The following NTNG1 variants were observed in gnomAD, a reference collection of about 807,000 sequenced individuals.
NTNG1 encodes netrin-G1.
A neutral mutation model predicts 54.0 loss-of-function variants in NTNG1; 16 were observed. The ratio of observed to expected loss-of-function variants is 0.30; its 90% CI spans 0.20 to 0.45. NTNG1 has a LOEUF of 0.45. NTNG1 is among the 20% of genes least tolerant of loss of function. The pLI is 1.00. For missense variants in NTNG1, 530 were observed against 678.7 expected (o/e 0.78, Z 2.43); for synonymous variants, 255 against 263.1 (o/e 0.97, Z 0.30).
intron 3 of NTNG1, among the ~76,000 whole-genome samples, chr1:107,331,299 C>G (rs1007650063): frequency 6.6e-6 from 1 of 152,000 alleles, no homozygotes; most frequent in Admixed American, 6.6e-5. Flanking sequence ...TGAATCAATA[C>G]ATCTTATGAC....
chr1:107,381,090 T>G (rs1472380625), intron 3 of NTNG1, among the ~76,000 whole-genome samples: 2 of 152,124 alleles, frequency 1.3e-5, no homozygotes, highest in African/African-American at 2.4e-5. Flanking sequence ...AAATGATTGA[T>G]TATGACATCA....
At chr1:107,208,816 A>G (rs867724899) in intron 2 of NTNG1, among the ~76,000 whole-genome samples, 2 of 152,068 alleles carry the variant, frequency 1.3e-5, no homozygotes, top group Non-Finnish European at 2.9e-5. Flanking sequence ...AGTTCAGCTG[A>G]CTGAAATGTC....
chr1:107,381,348 TAAAAAAAAAAAAAA>T (rs10598493), intron 3 of NTNG1, among the ~76,000 whole-genome samples: 4 of 51,616 alleles, frequency 7.7e-5, no homozygotes, highest in Admixed American at 2.5e-4. Context: ...TCTCTTTAAC[TAAAAAAAAAAAAAA>T]AAAAAAAAAA....
At chr1:107,414,071 T>C (rs1027452451) in intron 5 of NTNG1, among the ~76,000 whole-genome samples, 2 of 152,204 alleles carry the variant, frequency 1.3e-5, no homozygotes, top group African/African-American at 4.8e-5. Context: ...CAACTCTACC[T>C]CTAAAGCTTT....
intron 3 of NTNG1, among the ~76,000 whole-genome samples, chr1:107,340,018 A>C (rs1668806304): frequency 1.3e-5 from 2 of 152,082 alleles, no homozygotes; most frequent in South Asian, 4.1e-4. Context: ...GAGGAAGAGC[A>C]GCAGCCCAGA....
intron 2 of NTNG1, among the ~76,000 whole-genome samples, chr1:107,149,453 T>C (rs1654393785): frequency 1.3e-5 from 2 of 152,194 alleles, no homozygotes; most frequent in Non-Finnish European, 2.9e-5. Flanking sequence ...TAGTTTTCTA[T>C]GTATATTTTA....
At chr1:107,173,058 T>C (rs1316760813) in intron 2 of NTNG1, among the ~76,000 whole-genome samples, 1 of 152,112 alleles carries the variant, frequency 6.6e-6, no homozygotes, top group Non-Finnish European at 1.5e-5. Context: ...AATTAACTGG[T>C]CCACGAGAAC....
chr1:107,284,159 A>G (rs1423796225), intron 2 of NTNG1, among the ~76,000 whole-genome samples: 1 of 152,116 alleles, frequency 6.6e-6, no homozygotes, highest in African/African-American at 2.4e-5. Flanking sequence ...CATAGTGGCT[A>G]ACACGATCTC....
At chr1:107,397,075 T>A (rs1557964532) in intron 4 of NTNG1, among the ~76,000 whole-genome samples, 1 of 152,218 alleles carries the variant, frequency 6.6e-6, no homozygotes. Flanking sequence ...CTACCCCGAA[T>A]CCTTTGCATA....
At position 107,142,900 on chromosome 1, in the gene NTNG1, C is replaced by T. The variant is rs1237138559; in HGVS notation, c.-526+1760C>T. 3.9e-5 allele frequency among the ~76,000 whole-genome samples: 6 copies of T among 152,206 alleles called. No homozygotes were observed. The East Asian group carries it at 9.7e-4, about 25-fold the overall frequency. On this transcript the variant is annotated intron_variant, in intron 1 of 7. Transcript: ENST00000370068. ...TCACTTTGAATGCCTTACCCGCCTC[C>T]CTTTCTCTTTGGCAAAGGAAAAGCA... is the stretch of plus-strand genomic sequence containing the variant.
rs564243235 is a variant in NTNG1 at position 107,303,050 on chromosome 1, C to T, written c.247-21232C>T. Among the ~76,000 whole-genome samples the T allele has an allele frequency of 2.6e-5, 4 of 152,252 alleles. No individual in the cohort carries two copies. The East Asian group carries it at 7.7e-4, about 29-fold the overall frequency. On this transcript the variant is annotated intron_variant, in intron 2 of 7. Transcript: ENST00000370068. Reference sequence around the variant, plus strand: ...AATACTGTAGTAAAACAATACTGATCCTGCAGCAAGATATAAAAGAAGGCT... The same window carrying T: ...AATACTGTAGTAAAACAATACTGATTCTGCAGCAAGATATAAAAGAAGGCT...
intron 7 of NTNG1, among the ~76,000 whole-genome samples, chr1:107,449,790 G>A (rs1676516314): frequency 6.6e-6 from 1 of 150,408 alleles, no homozygotes; most frequent in South Asian, 2.1e-4. Context: ...ATTGTTTAGT[G>A]TCAGCAGCGT....
chr1:107,190,829 T>A (rs1657854687), intron 2 of NTNG1, among the ~76,000 whole-genome samples: 4 of 152,202 alleles, frequency 2.6e-5, no homozygotes, highest in Admixed American at 2.6e-4. Context: ...TCTATCGTTG[T>A]TGGACATTGA....
At chr1:107,191,220 G>A (rs1422997859) in intron 2 of NTNG1, among the ~76,000 whole-genome samples, 1 of 152,110 alleles carries the variant, frequency 6.6e-6, no homozygotes, top group Non-Finnish European at 1.5e-5. Flanking sequence ...CTGCATAAAT[G>A]TCTTCTTTTG....
intron 4 of NTNG1, among the ~76,000 whole-genome samples, chr1:107,403,177 C>A (rs1464366830): frequency 6.6e-6 from 1 of 152,034 alleles, no homozygotes; most frequent in Non-Finnish European, 1.5e-5. Context: ...TTCTCACCCC[C>A]CTAATTGCAG....
rs377715807 is a variant in NTNG1, at chr1:107,305,646, A to G, written c.247-18636A>G. ...AAATTCTAGATATTAGCTCTTTAAT[A>G]GATGGATAGATAGATAGCAAATATT... On this transcript the variant is annotated intron_variant, in intron 2 of 7. Transcript: ENST00000370068. Among the ~76,000 whole-genome samples the G allele has an allele frequency of 1.3e-3, 192 of 152,246 alleles. 1 individual carries two copies. Among genetic ancestry groups the G allele is most frequent in the African/African-American group, 4.5e-3 (187 of 41,538 alleles).
chr1:107,145,890 G>A (rs956471894), intron 1 of NTNG1, among the ~76,000 whole-genome samples: 5 of 151,900 alleles, frequency 3.3e-5, no homozygotes, highest in Non-Finnish European at 7.4e-5. Flanking sequence ...CGTTATATTG[G>A]GATTGCTGTT....
chr1:107,392,804 G>A (rs575921751), intron 3 of NTNG1, among the ~76,000 whole-genome samples: 2 of 152,220 alleles, frequency 1.3e-5, no homozygotes, highest in Admixed American at 6.5e-5. Context: ...TGCAATGAGT[G>A]AGAAAATTTA....
intron 5 of NTNG1, among the ~76,000 whole-genome samples, chr1:107,412,370 CAT>C (rs1235040811): frequency 6.6e-6 from 1 of 152,152 alleles, no homozygotes; most frequent in African/African-American, 2.4e-5. Flanking sequence ...GGTATTCCCA[CAT>C]GTCTACAGAA....
Sources: gnomAD v4.1 joint callset for allele counts (sites outside exome capture counted in the v4.1 genomes callset) on GRCh38, gnomAD v4.1.1 for gene constraint, MANE v1.5 for transcripts, NCBI Gene and HGNC (gene_info 2026-07-23, HGNC 2026-07-21) for gene names.